Variants in TCERG1 observed in about 807,000 individuals in gnomAD.
TCERG1 encodes transcription elongation regulator 1.
Under a neutral mutation model 144.7 loss-of-function variants are expected in TCERG1, and 37 were observed. The observed-to-expected ratio is 0.26, with a 90% CI of 0.20 to 0.34. TCERG1 has a LOEUF of 0.34. Ranked by LOEUF, TCERG1 falls within the 10% of genes least tolerant of loss-of-function variation. The pLI is 1.00. For missense variants in TCERG1, 1,027 were observed against 1,380.7 expected (o/e 0.74, Z 4.06); for synonymous variants, 492 against 458.2 (o/e 1.07, Z -0.94).
chr5:146,493,672 T>C (rs1361887789), intron 16 of TCERG1, among the ~76,000 whole-genome samples: 2 of 151,982 alleles, frequency 1.3e-5, no homozygotes, highest in African/African-American at 4.8e-5. Context: ...TCAGAACAGG[T>C]AGTTTGATTT....
At chr5:146,498,248 G>T (rs1375159164) in intron 16 of TCERG1, among the ~76,000 whole-genome samples, 1 of 151,278 alleles carries the variant, frequency 6.6e-6, no homozygotes, top group Non-Finnish European at 1.5e-5. Flanking sequence ...ATGAGCTCTT[G>T]TCTCTTGAGG....
At position 146,447,391 on chromosome 5, in the gene TCERG1, C is replaced by T. The variant is rs6884478; in HGVS notation, c.42C>T (p.Phe14=). 13,588 of 1,611,886 alleles carry T rather than the reference C, an allele frequency of 8.4e-3. 822 individuals carry two copies. The African/African-American group carries it at 0.15, about 18-fold the overall frequency. ...RGGDGGESER[F]NPGELRMAQQ... ...GGGACGGGGGCGAGAGTGAACGATT[C>T]AACCCGGGGGAGCTCAGGTAAGGAA... Residue 14 remains phenylalanine (F), a synonymous_variant, in exon 1 of 23, where the codon TTC becomes TTT. Transcript: ENST00000679501.
At position 146,493,007 on chromosome 5, in the gene TCERG1, A is replaced by C; in HGVS notation, c.2251A>C (p.Lys751Gln). 6.2e-7 allele frequency: 1 copy of C among 1,606,004 alleles called. No homozygotes were observed. Reference sequence around the variant, plus strand: ...AATGCAAGCCAAGGAAGATTTCAAAAAAATGATGGAAGAAGCAAAATTTAA... The same window carrying C: ...AATGCAAGCCAAGGAAGATTTCAAACAAATGATGGAAGAAGCAAAATTTAA... The part of the protein sequence containing the change: ...KIMQAKEDFK[K>Q]MMEEAKFNPR... The change falls in exon 16 of 23, where the codon AAA (lysine) becomes CAA (glutamine). Residue 751 changes from lysine (K) to glutamine (Q), a missense_variant. Lys to Gln is a moderately conservative substitution (Grantham distance 53). Around this residue, in one of 6 missense-constraint regions of TCERG1, gnomAD observed 482 missense variants for 632.6 expected, o/e 0.76. Coordinates refer to ENST00000679501, the MANE Select transcript of TCERG1 (RefSeq NM_001382548.1).
Position 146,509,185 on chromosome 5 carries a change from A to G in TCERG1, c.3086A>G (p.Tyr1029Cys), listed in dbSNP as rs769084319. 1.2e-6 allele frequency: 2 copies of G among 1,608,452 alleles called. No individual in the cohort carries two copies. Among genetic ancestry groups the G allele is most frequent in the Non-Finnish European group, 1.7e-6 (2 of 1,178,080 alleles). The change falls in exon 22 of 23, where the codon TAT (tyrosine) becomes TGT (cysteine). Residue 1029 changes from tyrosine (Y) to cysteine (C), a missense_variant. By Grantham distance (194) the Tyr-to-Cys change is radical. Transcript: ENST00000679501. Reference sequence around the variant, plus strand: ...TTTGAAGAATATATCAGAGACAAATATATCACAGCCAAAGCTGACTTCAGG... The same window carrying G: ...TTTGAAGAATATATCAGAGACAAATGTATCACAGCCAAAGCTGACTTCAGG... ...REFEEYIRDK[Y>C]ITAKADFRTL... is the part of the protein sequence containing the mutation.
intron 2 of TCERG1, 131 bp downstream of exon 2, chr5:146,455,412 T>C (rs1472649390): frequency 7.9e-6 from 8 of 1,009,210 alleles, no homozygotes; most frequent in Admixed American, 5.7e-5. Flanking sequence ...AGAAGATCCA[T>C]ATATTAATAT....
chr5:146,465,122 C>T (rs909542286), intron 5 of TCERG1, among the ~76,000 whole-genome samples: 1 of 152,164 alleles, frequency 6.6e-6, no homozygotes, highest in Admixed American at 6.5e-5. Flanking sequence ...CAGCTGGATA[C>T]TTTTCTCTAT....
intron 5 of TCERG1, among the ~76,000 whole-genome samples, chr5:146,466,125 A>G (rs539491578): frequency 8.5e-5 from 13 of 152,208 alleles, no homozygotes; most frequent in African/African-American, 3.1e-4. Flanking sequence ...CTTTTAACTC[A>G]GTCCTACAAG....
intron 14 of TCERG1, 47 bp downstream of exon 14, chr5:146,482,774 A>G (rs377281278): frequency 4.4e-5 from 67 of 1,533,636 alleles, no homozygotes; most frequent in Non-Finnish European, 5.8e-5. Flanking sequence ...TGTATAAGTA[A>G]TATAAATATG....
In TCERG1 at chr5:146,457,204, C is replaced by A. The variant is rs1251939757; in HGVS notation, c.307C>A (p.Pro103Thr). ...ACAGAGACCACCTTTCATGCCTCCT[C>A]CCATGAGTTCCATGCCTCCTCCTCC... ...HLQRPPFMPP[P>T]MSSMPPPPGM... Residue 103 changes from proline to threonine, a missense_variant, in exon 3 of 23, where the codon CCC becomes ACC. This residue lies in a region of TCERG1 where 175 missense variants were observed against 197.0 expected (regional missense o/e 0.89). Coordinates refer to ENST00000679501, the MANE Select transcript of TCERG1 (RefSeq NM_001382548.1). The A allele has an allele frequency of 6.2e-7, 1 of 1,614,002 alleles. No individual in the cohort carries two copies. Among genetic ancestry groups the A allele is most frequent in the South Asian group, 1.1e-5 (1 of 91,064 alleles).
intron 10 of TCERG1, 76 bp from the exon 11 acceptor site, chr5:146,479,779 C>G: frequency 1.4e-6 from 2 of 1,422,618 alleles, no homozygotes; most frequent in Non-Finnish European, 2.0e-6. Context: ...ATTATGTAAA[C>G]AGTAATTTTT....
At chr5:146,492,127 A>G (rs1174424522) in intron 15 of TCERG1, among the ~76,000 whole-genome samples, 2 of 152,162 alleles carry the variant, frequency 1.3e-5, no homozygotes, top group Admixed American at 1.3e-4. Flanking sequence ...CAACTTATTA[A>G]ATAGCTTTTC....
At chr5:146,487,552 C>G (rs916389980) in intron 15 of TCERG1, among the ~76,000 whole-genome samples, 4 of 151,928 alleles carry the variant, frequency 2.6e-5, no homozygotes, top group Admixed American at 2.6e-4. Context: ...TTGAGACTGT[C>G]ATAGTGAGAT....
chr5:146,493,952 G>A (rs1202640045), intron 16 of TCERG1, among the ~76,000 whole-genome samples: 2 of 151,632 alleles, frequency 1.3e-5, no homozygotes, highest in African/African-American at 2.4e-5. Flanking sequence ...AATTTTGTCT[G>A]TGGAGGTAGG....
At chr5:146,453,539 T>C (rs757545911) in intron 1 of TCERG1, among the ~76,000 whole-genome samples, 67 of 152,344 alleles carry the variant, frequency 4.4e-4, no homozygotes, top group African/African-American at 1.5e-3. Context: ...TGTAATGATA[T>C]AATACTTTAA....
intron 10 of TCERG1, 83 bp downstream of exon 10, chr5:146,478,736 C>T: frequency 7.4e-6 from 10 of 1,357,870 alleles, no homozygotes; most frequent in Non-Finnish European, 9.7e-6. Flanking sequence ...CATTTAGAAA[C>T]CCTTTATTTT....
intron 3 of TCERG1, 23 bp downstream of exon 3, chr5:146,457,358 G>C (rs756476456): frequency 6.3e-7 from 1 of 1,577,240 alleles, no homozygotes; most frequent in South Asian, 1.1e-5. Context: ...ATATATTTAA[G>C]TTGTCATTTG....
intron 9 of TCERG1, among the ~76,000 whole-genome samples, chr5:146,472,944 A>C (rs924184105): frequency 4.6e-5 from 7 of 152,136 alleles, no homozygotes; most frequent in African/African-American, 1.7e-4. Context: ...CGATCTCCTG[A>C]CCTCGTGATC....
rs1432727292 is a variant in TCERG1, at chr5:146,503,557, T to C, written c.2598+18T>C. 6 of 1,611,118 alleles carry C rather than the reference T, an allele frequency of 3.7e-6. No individual in the cohort carries two copies. The highest frequency in any genetic ancestry group is 4.2e-6 in the Non-Finnish European group (5 of 1,178,400). Reference sequence around the variant, plus strand: ...TAGCCAAGGTAACTGTTGTGTTTACTTGTATTGCTTTCATTGAATAATACA... The same window carrying C: ...TAGCCAAGGTAACTGTTGTGTTTACCTGTATTGCTTTCATTGAATAATACA... On this transcript the variant is annotated intron_variant, in intron 18 of 22. Coordinates refer to ENST00000679501, the MANE Select transcript of TCERG1 (RefSeq NM_001382548.1).
At chr5:146,500,172 A>AT (rs1319595753) in intron 17 of TCERG1, among the ~76,000 whole-genome samples, 1 of 151,974 alleles carries the variant, frequency 6.6e-6, no homozygotes, top group Non-Finnish European at 1.5e-5. Context: ...CCATTACTAG[A>AT]TTAAAAAAAA....
Sources: allele counts gnomAD v4.1 joint callset (sites outside exome capture counted in the v4.1 genomes callset), GRCh38; gene constraint gnomAD v4.1.1; regional missense constraint gnomAD v4.1.1; transcripts MANE v1.5; gene names NCBI Gene and HGNC (gene_info 2026-07-23, HGNC 2026-07-21).